WDR72: variants seen among roughly 807,000 people sequenced by gnomAD.
WDR72 encodes WD repeat domain 72, also known as WD repeat-containing protein 72.
WDR72 carries 120 observed loss-of-function variants against 124.2 expected under a neutral mutation model. The observed-to-expected ratio is 0.97, with a 90% confidence interval of 0.83 to 1.12. The LOEUF (loss-of-function observed/expected upper bound fraction) is 1.12, where lower values mean the gene tolerates loss of function less well. Among genes scored for constraint, WDR72 ranks in the 50% most tolerant of loss-of-function variants. WDR72 has a pLI of 0.00. For synonymous variants in WDR72, 452 were observed against 441.7 expected (o/e 1.02, Z -0.29); for missense variants, 1,387 against 1,278.8 (o/e 1.08, Z -1.29).
At chr15:53,711,155 C>T in intron 8 of WDR72, 181 bp downstream of exon 8, 1 of 918,520 alleles carries the variant, frequency 1.1e-6, no homozygotes, top group Non-Finnish European at 1.7e-6. Flanking sequence ...CTCATTCCTC[C>T]ATCCCCTGCT....
Position 53,633,063 on chromosome 15 carries a change from A to G in WDR72, c.1963-16820T>C, listed in dbSNP as rs117025762. Among the ~76,000 whole-genome samples, 13 of 152,238 alleles carry G rather than the reference A, an allele frequency of 8.5e-5. No homozygotes were observed. The East Asian group carries it at 1.7e-3, about 20-fold the overall frequency. On this transcript the variant is annotated intron_variant, in intron 14 of 19. Transcript: ENST00000360509. ...TTTTACAATGTGAGAAGGAGATGAT[A>G]TTTGGGAGGGGCCAGAGGTGGAATG...
chr15:53,734,324 G>T (rs111410954), intron 1 of WDR72, among the ~76,000 whole-genome samples: 28 of 152,120 alleles, frequency 1.8e-4, no homozygotes, highest in African/African-American at 6.7e-4. Flanking sequence ...TATTCTAACT[G>T]CCATGTCCAA....
At chr15:53,755,750 G>A (rs2018885220) in intron 1 of WDR72, among the ~76,000 whole-genome samples, 1 of 152,206 alleles carries the variant, frequency 6.6e-6, no homozygotes, top group Admixed American at 6.5e-5. Context: ...CACAAAGCAG[G>A]TAGAGAGCGC....
At position 53,557,992 on chromosome 15, in the gene WDR72, T is replaced by A. The variant is rs543457076; in HGVS notation, c.3149-34670A>T. On this transcript the variant is annotated intron_variant, in intron 18 of 19. Transcript: ENST00000360509. ...TATTGTAGTGAATAATGGGTAGAGG[T>A]GACCTCTTCCCTCGTTGATGCTGAA... is the stretch of plus-strand genomic sequence containing the variant. 2.0e-5 allele frequency among the ~76,000 whole-genome samples: 3 copies of A among 151,992 alleles called. No individual in the cohort carries two copies. In the East Asian group the frequency reaches 5.8e-4, roughly 30 times the overall value.
chr15:53,677,571 G>A (rs564217511), intron 13 of WDR72, among the ~76,000 whole-genome samples: 1 of 152,264 alleles, frequency 6.6e-6, no homozygotes, highest in East Asian at 1.9e-4. Flanking sequence ...CTGTTCTCAT[G>A]ATAGTGAGTA....
At chr15:53,732,432 T>C (rs1034978474) in intron 2 of WDR72, among the ~76,000 whole-genome samples, 1 of 152,156 alleles carries the variant, frequency 6.6e-6, no homozygotes, top group African/African-American at 2.4e-5. Context: ...CAGGGACAAT[T>C]AATTGCTAAT....
chr15:53,554,441 C>G (rs1243918401), intron 18 of WDR72, among the ~76,000 whole-genome samples: 2 of 152,138 alleles, frequency 1.3e-5, no homozygotes, highest in African/African-American at 4.8e-5. Context: ...AAAGCTGGTT[C>G]AGTTGGTTTC....
intron 11 of WDR72, among the ~76,000 whole-genome samples, chr15:53,704,335 T>C (rs956805141): frequency 1.3e-5 from 2 of 152,216 alleles, no homozygotes; most frequent in Non-Finnish European, 2.9e-5. Flanking sequence ...ACATTTTTAT[T>C]TGTGCAATAT....
intron 13 of WDR72, among the ~76,000 whole-genome samples, chr15:53,686,039 T>G (rs1164940989): frequency 6.7e-6 from 1 of 149,616 alleles, no homozygotes; most frequent in Admixed American, 6.7e-5. Flanking sequence ...CAGGCCTGCC[T>G]TACAAGAGCT....
At position 53,615,911 on chromosome 15, in the gene WDR72, G is replaced by T. The variant is rs2140368132; in HGVS notation, c.2295C>A (p.Gly765=). 6.2e-7 allele frequency: 1 copy of T among 1,613,400 alleles called. No individual in the cohort carries two copies. Among genetic ancestry groups the T allele is most frequent in the East Asian group, 2.2e-5 (1 of 44,850 alleles). Reference sequence around the variant, plus strand: ...TCTTCATTTTCTTCTGCCTTTTAATGCCATCATTTTCTTCTGAGAATTTGA... The same window carrying T: ...TCTTCATTTTCTTCTGCCTTTTAATTCCATCATTTTCTTCTGAGAATTTGA... The part of the protein sequence containing the change: ...NTIKFSEEND[G]IKRQKKMKIS... Residue 765 remains glycine, a synonymous_variant, in exon 15 of 20, where the codon GGC becomes GGA. Transcript: ENST00000360509.
At chr15:53,677,257 A>G (rs2016207858) in intron 13 of WDR72, among the ~76,000 whole-genome samples, 1 of 152,164 alleles carries the variant, frequency 6.6e-6, no homozygotes. Flanking sequence ...AACTAAATGC[A>G]TAAACACATA....
At chr15:53,578,090 AT>A (rs2011707683) in intron 18 of WDR72, among the ~76,000 whole-genome samples, 1 of 152,134 alleles carries the variant, frequency 6.6e-6, no homozygotes, top group Non-Finnish European at 1.5e-5. Context: ...CAATTCAAGA[AT>A]TCCCTGCCAT....
chr15:53,681,598 C>T (rs773603853), intron 13 of WDR72, among the ~76,000 whole-genome samples: 7 of 152,220 alleles, frequency 4.6e-5, no homozygotes, highest in Middle Eastern at 3.4e-3. Context: ...AAGATAGCAA[C>T]TGCCAAAGGA....
In WDR72 at chr15:53,750,963, G is replaced by A. The variant is rs551857347; in HGVS notation, c.-13+8670C>T. Among the ~76,000 whole-genome samples the A allele has an allele frequency of 2.0e-5, 3 of 152,266 alleles. No homozygotes were observed. In the South Asian group the frequency reaches 6.2e-4, roughly 32 times the overall value. The stretch of plus-strand genomic sequence containing the variant: ...AATCTACTCCTGGTGAAGATGCTAT[G>A]AACATAGCTGAAATGAAAACAAAAC... On this transcript the variant is annotated intron_variant, in intron 1 of 19. Transcript: ENST00000360509.
intron 14 of WDR72, among the ~76,000 whole-genome samples, chr15:53,664,933 T>C (rs1567013443): frequency 6.6e-6 from 1 of 152,156 alleles, no homozygotes; most frequent in Non-Finnish European, 1.5e-5. Context: ...CAACAGTATG[T>C]TGAGGGGATA....
At chr15:53,547,386 C>T (rs977384371) in intron 18 of WDR72, among the ~76,000 whole-genome samples, 2 of 152,204 alleles carry the variant, frequency 1.3e-5, no homozygotes, top group African/African-American at 2.4e-5. Context: ...CCCGCCTCGG[C>T]CTCCCAAAGT....
chr15:53,620,950 CA>C (rs1207498320), intron 14 of WDR72, among the ~76,000 whole-genome samples: 1 of 151,736 alleles, frequency 6.6e-6, no homozygotes, highest in Non-Finnish European at 1.5e-5. Context: ...AACAAATTAG[CA>C]AGAAAAATAC....
intron 19 of WDR72, among the ~76,000 whole-genome samples, chr15:53,518,473 A>C (rs965491208): frequency 2.0e-5 from 3 of 152,002 alleles, no homozygotes; most frequent in Non-Finnish European, 4.4e-5. Context: ...AAATATGTTG[A>C]TGCTTGAATT....
intron 1 of WDR72, 100 bp from the exon 2 acceptor site, chr15:53,733,261 G>T: frequency 7.8e-7 from 1 of 1,284,062 alleles, no homozygotes; most frequent in Non-Finnish European, 1.1e-6. Context: ...AAACTTCAAT[G>T]ATGTGTTCTC....
Sources: allele counts gnomAD v4.1 joint callset (sites outside exome capture counted in the v4.1 genomes callset), GRCh38; gene constraint gnomAD v4.1.1; transcripts MANE v1.5; gene names NCBI Gene and HGNC (gene_info 2026-07-23, HGNC 2026-07-21).